The following ZNF462 variants were observed in gnomAD, a reference collection of about 807,000 sequenced individuals.
ZNF462 encodes the protein zinc finger PBX1-interacting protein.
ZNF462 carries 10 observed loss-of-function variants against 201.9 expected under a neutral mutation model. The observed-to-expected ratio is 0.05, with a 90% CI of 0.03 to 0.08. ZNF462 has a LOEUF of 0.08. ZNF462 is among the 10% of genes least tolerant of loss of function. The pLI is 1.00. For missense variants in ZNF462, 2,523 were observed against 3,168.3 expected (o/e 0.80, Z 4.89); for synonymous variants, 1,227 against 1,193.3 (o/e 1.03, Z -0.58).
At chr9:107,004,904 A>G (rs891991464) in intron 11 of ZNF462, among the ~76,000 whole-genome samples, 2 of 151,906 alleles carry the variant, frequency 1.3e-5, no homozygotes, top group Non-Finnish European at 2.9e-5. Flanking sequence ...CCATTCTACT[A>G]TCTGCTTGTA....
At chr9:106,892,278 G>C (rs1385250485) in intron 1 of ZNF462, among the ~76,000 whole-genome samples, 2 of 152,240 alleles carry the variant, frequency 1.3e-5, no homozygotes, top group East Asian at 3.9e-4. Context: ...AATAATCCTG[G>C]CATCCATTTA....
chr9:106,965,257 G>A (rs1832019769), intron 7 of ZNF462, among the ~76,000 whole-genome samples: 1 of 152,008 alleles, frequency 6.6e-6, no homozygotes, highest in Non-Finnish European at 1.5e-5. Flanking sequence ...GCAAGAAATT[G>A]GAAGCTAGCT....
At chr9:106,909,972 T>G (rs1421523312) in intron 1 of ZNF462, among the ~76,000 whole-genome samples, 1 of 152,208 alleles carries the variant, frequency 6.6e-6, no homozygotes, top group African/African-American at 2.4e-5. Flanking sequence ...TATCTGTATG[T>G]TCGATCTGTT....
chr9:106,910,963 A>G (rs16925920), intron 1 of ZNF462, among the ~76,000 whole-genome samples: 13,741 of 152,232 alleles, frequency 0.09, 1,409 homozygotes, highest in African/African-American at 0.25. Context: ...CGAAAGCGTC[A>G]TGTCATGGAA....
rs1453555483 is a variant in ZNF462, at chr9:106,902,401, C to G, written c.-30-20953C>G. On this transcript the variant is annotated intron_variant, in intron 1 of 12. Transcript: ENST00000277225. The surrounding 1 kb of genome is among the most constrained non-coding windows in gnomAD (Gnocchi z 4.2). ...GTTTTCTTCTGTGGTTATGTCGTTT[C>G]CTGGTTTTGGTATTAGAGTGCTGCT... 1.3e-5 allele frequency among the ~76,000 whole-genome samples: 2 copies of G among 151,902 alleles called. No homozygotes were observed. The highest frequency in any genetic ancestry group is 1.5e-5 in the Non-Finnish European group (1 of 67,950).
At position 106,923,235 on chromosome 9, in the gene ZNF462, C is replaced by T; in HGVS notation, c.-30-119C>T. On this transcript the variant is annotated intron_variant, in intron 1 of 12. Coordinates refer to ENST00000277225, the MANE Select transcript of ZNF462 (RefSeq NM_021224.6). This position sits in a 1 kb window ranked among gnomAD's most constrained non-coding sequence, Gnocchi z 5.6. ...AGCCAATGTTCCAACTGGCAAAGTC[C>T]AATAAGAGAAATCTACTGATACTGG... 1.4e-6 allele frequency: 1 copy of T among 712,200 alleles called. No homozygotes were observed. Among genetic ancestry groups the T allele is most frequent in the Non-Finnish European group, 2.4e-6 (1 of 422,836 alleles). The allele number at this position is 712,200 out of a possible 1,614,324, so 44.1% of individuals were successfully genotyped here.
At chr9:106,898,045 A>G (rs1588019833) in intron 1 of ZNF462, among the ~76,000 whole-genome samples, 2 of 152,366 alleles carry the variant, frequency 1.3e-5, no homozygotes, top group African/African-American at 2.4e-5. Context: ...CCCCACATTT[A>G]TACATTTCTC....
intron 1 of ZNF462, among the ~76,000 whole-genome samples, chr9:106,875,884 G>C (rs1327735709): frequency 1.3e-5 from 2 of 152,132 alleles, no homozygotes; most frequent in Non-Finnish European, 2.9e-5. Flanking sequence ...CTCAGCTACT[G>C]TATATATTGC....
In ZNF462 at chr9:106,932,468, G is replaced by A; in HGVS notation, c.6035G>A (p.Ser2012Asn). Residue 2012 changes from serine to asparagine, a missense_variant, in exon 5 of 13, where the codon AGC (serine) becomes AAC (asparagine). Transcript: ENST00000277225. The surrounding 1 kb of genome is among the most constrained non-coding windows in gnomAD (Gnocchi z 6.8). ...CAGGGGCTGCGTTCTCATGAGAGGA[G>A]CCACCTGGCCCTGGCCATGTTTACC... ...AVKGLRSHER[S>N]HLALAMFTRE... The A allele has an allele frequency of 6.2e-7, 1 of 1,614,242 alleles. No homozygotes were observed. The highest frequency in any genetic ancestry group is 8.5e-7 in the Non-Finnish European group (1 of 1,180,038).
Position 106,923,520 on chromosome 9 carries a change from G to T in ZNF462, c.137G>T (p.Cys46Phe). The change falls in exon 2 of 13, where the codon TGT becomes TTT. Residue 46 changes from cysteine to phenylalanine, a missense_variant. Transcript: ENST00000277225. This position sits in a 1 kb window ranked among gnomAD's most constrained non-coding sequence, Gnocchi z 5.6. The part of the protein sequence containing the change: ...VAEDNVNELR[C>F]GSVNASNQTE... ...GAGGACAATGTGAATGAGCTACGAT[G>T]TGGGTCCGTGAATGCCAGTAATCAG... 1 of 1,614,242 alleles carries T rather than the reference G, an allele frequency of 6.2e-7. No homozygotes were observed. The highest frequency in any genetic ancestry group is 8.5e-7 in the Non-Finnish European group (1 of 1,180,038).
At chr9:106,936,658 G>C (rs936474042) in intron 6 of ZNF462, among the ~76,000 whole-genome samples, 1 of 152,198 alleles carries the variant, frequency 6.6e-6, no homozygotes, top group East Asian at 1.9e-4. Context: ...AGTGGCTTCA[G>C]GGTTCAAATC....
intron 1 of ZNF462, among the ~76,000 whole-genome samples, chr9:106,918,458 A>C (rs1030437364): frequency 1.3e-5 from 2 of 152,216 alleles, no homozygotes; most frequent in Non-Finnish European, 2.9e-5. Context: ...ATTTCACCTC[A>C]ACTTTTCAGG....
chr9:106,873,609 G>T (rs575896647), intron 1 of ZNF462, among the ~76,000 whole-genome samples: 7 of 152,140 alleles, frequency 4.6e-5, no homozygotes, highest in African/African-American at 1.7e-4. Flanking sequence ...TAAAAGTGTG[G>T]GTGCCGATAC....
rs148206038 is a variant in ZNF462, at chr9:106,928,237, C to T, written c.4325C>T (p.Ala1442Val). 1.2e-6 allele frequency: 2 copies of T among 1,614,060 alleles called. No individual in the cohort carries two copies. The highest frequency in any genetic ancestry group is 1.7e-5 in the Admixed American group (1 of 60,020). ...SIPTPFPEQEAECPEDARLSP... is the reference protein window; with the variant it reads ...SIPTPFPEQEVECPEDARLSP... ...CCCACCCCTTTCCCGGAGCAGGAAG[C>T]TGAATGTCCAGAGGATGCAAGACTG... Residue 1442 changes from alanine to valine, a missense_variant, in exon 3 of 13, where the codon GCT (alanine) becomes GTT (valine). Coordinates refer to ENST00000277225, the MANE Select transcript of ZNF462 (RefSeq NM_021224.6). This position sits in a 1 kb window ranked among gnomAD's most constrained non-coding sequence, Gnocchi z 9.3.
Position 106,905,746 on chromosome 9 carries a change from C to A in ZNF462, c.-30-17608C>A, listed in dbSNP as rs114325107. 6.4e-3 allele frequency among the ~76,000 whole-genome samples: 979 copies of A among 152,244 alleles called. 11 individuals carry two copies. The highest frequency in any genetic ancestry group is 0.022 in the African/African-American group (934 of 41,552). ...AGGGCTGGTCTCACTCTCACCGTGA[C>A]CCCCGCAACAGCCCCGAGTCTGTTT... On this transcript the variant is annotated intron_variant, in intron 1 of 12. Transcript: ENST00000277225. The surrounding 1 kb of genome is among the most constrained non-coding windows in gnomAD (Gnocchi z 5.9).
chr9:106,904,449 G>A (rs1250626517), intron 1 of ZNF462, among the ~76,000 whole-genome samples: 1 of 152,124 alleles, frequency 6.6e-6, no homozygotes, highest in African/African-American at 2.4e-5. Context: ...GGTGTTCTTT[G>A]TGCTTCCTAT....
In ZNF462 at chr9:107,012,145, C is replaced by G. The variant is rs1260262761; in HGVS notation, c.*1115C>G. On this transcript the variant is annotated 3_prime_UTR_variant, in exon 13 of 13. Transcript: ENST00000277225. ...TTTTTTTTTTAATTTAACTAAAGAA[C>G]CAAACTTTCGGCACAGCTATGCAGC... is the stretch of plus-strand genomic sequence containing the variant. The G allele has an allele frequency of 2.3e-5, 3 of 128,478 alleles. No homozygotes were observed. Among genetic ancestry groups the G allele is most frequent in the Non-Finnish European group, 3.2e-5 (2 of 62,748 alleles). The allele number at this position is 128,478 out of a possible 1,614,324, so 8.0% of individuals were successfully genotyped here. A position where few individuals can be genotyped will look rare whatever the true frequency, so the allele number is the denominator to read the frequency against.
At chr9:106,983,412 C>T (rs902262609) in intron 9 of ZNF462, among the ~76,000 whole-genome samples, 1 of 152,112 alleles carries the variant, frequency 6.6e-6, no homozygotes, top group African/African-American at 2.4e-5. Flanking sequence ...GTGAGCTCTT[C>T]ATAGTTGGAG....
At position 106,888,685 on chromosome 9, in the gene ZNF462, C is replaced by T. The variant is rs113741909; in HGVS notation, c.-31+25330C>T. 3.9e-3 allele frequency among the ~76,000 whole-genome samples: 600 copies of T among 152,270 alleles called. 7 individuals are homozygous for T. The highest frequency in any genetic ancestry group is 0.014 in the African/African-American group (580 of 41,564). ...ACTCCACATCTGTCACTCTTCCCACCGTATTAGCTAATAATGAGAGAGAGT... is the reference window on the plus strand; with the variant it reads ...ACTCCACATCTGTCACTCTTCCCACTGTATTAGCTAATAATGAGAGAGAGT... On this transcript the variant is annotated intron_variant, in intron 1 of 12. Transcript: ENST00000277225.
Sources: gnomAD v4.1 joint callset for allele counts (sites outside exome capture counted in the v4.1 genomes callset) on GRCh38, gnomAD v4.1.1 for gene constraint, Gnocchi (gnomAD v3.1) non-coding constraint, MANE v1.5 for transcripts, NCBI Gene and HGNC (gene_info 2026-07-23, HGNC 2026-07-21) for gene names.